PPP2R5E: variants seen among roughly 807,000 people sequenced by gnomAD.
The protein encoded by PPP2R5E is serine/threonine-protein phosphatase 2A 56 kDa regulatory subunit epsilon isoform.
A neutral mutation model predicts 65.3 loss-of-function variants in PPP2R5E; 4 were observed. The observed-to-expected ratio is 0.06, with a 90% CI of 0.03 to 0.14. The LOEUF is 0.14. PPP2R5E is among the 10% of genes least tolerant of loss of function. The pLI, the probability that PPP2R5E is intolerant of heterozygous loss-of-function variation, is 1.00. For missense variants in PPP2R5E, 274 were observed against 556.1 expected (o/e 0.49, Z 5.10); for synonymous variants, 183 against 187.4 (o/e 0.98, Z 0.19).
chr14:63,411,318 T>C (rs1003318751), intron 5 of PPP2R5E, among the ~76,000 whole-genome samples: 7 of 152,190 alleles, frequency 4.6e-5, no homozygotes, highest in African/African-American at 1.7e-4. Flanking sequence ...AGATTACTGA[T>C]TAATGATGAA....
rs1054447239 is a variant in PPP2R5E at position 63,396,496 on chromosome 14, G to C, written c.680+90C>G. 3 of 1,490,882 alleles carry C rather than the reference G, an allele frequency of 2.0e-6. No homozygotes were observed. In the African/African-American group the frequency reaches 4.2e-5, roughly 21 times the overall value. 92.4% of individuals were successfully genotyped at this position (1,490,882 alleles called of 1,614,324 possible). ...GGCAGAAAGGGAGAAAGAGAAGTCAGTACACCGTTTTCAGATATTTGAGAT... is the reference window on the plus strand; with the variant it reads ...GGCAGAAAGGGAGAAAGAGAAGTCACTACACCGTTTTCAGATATTTGAGAT... On this transcript the variant is annotated intron_variant, in intron 6 of 13. Coordinates refer to ENST00000337537, the MANE Select transcript of PPP2R5E (RefSeq NM_006246.5).
intron 2 of PPP2R5E, among the ~76,000 whole-genome samples, chr14:63,510,401 C>A (rs986566647): frequency 9.9e-5 from 15 of 152,238 alleles, no homozygotes; most frequent in African/African-American, 3.6e-4. Context: ...TCACTGCCCT[C>A]ATGGAGCATG....
chr14:63,482,279 G>T (rs1173478297), intron 2 of PPP2R5E, among the ~76,000 whole-genome samples: 1 of 152,148 alleles, frequency 6.6e-6, no homozygotes, highest in African/African-American at 2.4e-5. Context: ...GGCCAACATG[G>T]TGAAACCCCG....
rs906769340 is a variant in PPP2R5E, at chr14:63,420,807, C to T, written c.456+1186G>A. Among the ~76,000 whole-genome samples, 4 of 100,948 alleles carry T rather than the reference C, an allele frequency of 4.0e-5. 1 individual carries two copies. The highest frequency in any genetic ancestry group is 1.1e-4 in the African/African-American group (2 of 17,706). The allele number at this position is 100,948 out of a possible 152,430, so 66.2% of individuals were successfully genotyped here. A position where few individuals can be genotyped will look rare whatever the true frequency, so the allele number is the denominator to read the frequency against. ...GTGGCTCACGCCTGTAATCCCAGCACTTTGGGAGGCCGAGGCGGGCGGATC... is the reference window on the plus strand; with the variant it reads ...GTGGCTCACGCCTGTAATCCCAGCATTTTGGGAGGCCGAGGCGGGCGGATC... On this transcript the variant is annotated intron_variant, in intron 4 of 13. Coordinates refer to ENST00000337537, the MANE Select transcript of PPP2R5E (RefSeq NM_006246.5).
rs780522746 is a variant in PPP2R5E, at chr14:63,539,687, T to C, written c.-2A>G. 6.2e-7 allele frequency: 1 copy of C among 1,612,938 alleles called. No individual in the cohort carries two copies. The highest frequency in any genetic ancestry group is 2.2e-5 in the East Asian group (1 of 44,860). On this transcript the variant is annotated 5_prime_UTR_variant, in exon 2 of 14. Coordinates refer to ENST00000337537, the MANE Select transcript of PPP2R5E (RefSeq NM_006246.5). ...AGGAGTAGTTGGTGCTGAGGACATA[T>C]CCCTACTGAAGAGAAAGAAGTATCA...
At chr14:63,382,470 T>G (rs148532085) in intron 12 of PPP2R5E, among the ~76,000 whole-genome samples, 2 of 152,100 alleles carry the variant, frequency 1.3e-5, no homozygotes, top group Middle Eastern at 3.4e-3. Context: ...GGCACCATCT[T>G]GGCTCACCGC....
At chr14:63,433,027 GTTTTGTTTTT>G (rs1887761123) in intron 3 of PPP2R5E, among the ~76,000 whole-genome samples, 2 of 114,042 alleles carry the variant, frequency 1.8e-5, no homozygotes, top group Non-Finnish European at 3.7e-5. Context: ...TTTTTGTTTT[GTTTTGTTTTT>G]TTTTTTTTTT....
chr14:63,495,242 G>A (rs1180750458), intron 2 of PPP2R5E, among the ~76,000 whole-genome samples: 2 of 149,488 alleles, frequency 1.3e-5, no homozygotes, highest in African/African-American at 4.9e-5. Context: ...AATATATATA[G>A]TGAGAGAGAA....
intron 3 of PPP2R5E, among the ~76,000 whole-genome samples, chr14:63,448,807 A>AG (rs1429041864): frequency 6.7e-6 from 1 of 150,028 alleles, no homozygotes. Context: ...AAAAAAAAAA[A>AG]GCAACCCCCA....
At chr14:63,482,653 T>C (rs1318438170) in intron 2 of PPP2R5E, among the ~76,000 whole-genome samples, 2 of 152,216 alleles carry the variant, frequency 1.3e-5, no homozygotes, top group African/African-American at 4.8e-5. Flanking sequence ...CATCTGAAAC[T>C]AATAAATACA....
intron 5 of PPP2R5E, among the ~76,000 whole-genome samples, chr14:63,411,976 T>C (rs896339465): frequency 2.6e-5 from 4 of 152,294 alleles, no homozygotes; most frequent in African/African-American, 4.8e-5. Context: ...CTGTACCCAA[T>C]AGGTAGTGTT....
At chr14:63,520,729 T>G (rs954971698) in intron 2 of PPP2R5E, among the ~76,000 whole-genome samples, 1 of 151,938 alleles carries the variant, frequency 6.6e-6, no homozygotes. Flanking sequence ...GAAAAACACA[T>G]GCGTGGCCAG....
chr14:63,420,666 A>T (rs1338961241), intron 4 of PPP2R5E, among the ~76,000 whole-genome samples: 1 of 152,146 alleles, frequency 6.6e-6, no homozygotes, highest in Non-Finnish European at 1.5e-5. Context: ...CAGACTTGCA[A>T]ATTTGTGTCA....
chr14:63,426,412 CA>C (rs59731224), intron 3 of PPP2R5E, among the ~76,000 whole-genome samples: 23,334 of 140,558 alleles, frequency 0.17, 2,327 homozygotes, highest in African/African-American at 0.3. Context: ...ATGGGAGCAC[CA>C]AAAAAAAAAA....
intron 2 of PPP2R5E, among the ~76,000 whole-genome samples, chr14:63,533,572 T>G (rs938196130): frequency 1.7e-4 from 25 of 151,188 alleles, no homozygotes; most frequent in Admixed American, 1.1e-3. Flanking sequence ...GTCATCATAG[T>G]TGTAAGAATA....
At chr14:63,387,993 G>T (rs1884772832) in intron 11 of PPP2R5E, among the ~76,000 whole-genome samples, 1 of 152,186 alleles carries the variant, frequency 6.6e-6, no homozygotes, top group Non-Finnish European at 1.5e-5. Context: ...GGCCTCCAGG[G>T]CTGTGAGAAA....
chr14:63,397,481 C>T (rs1013455510), intron 5 of PPP2R5E, among the ~76,000 whole-genome samples: 11 of 125,694 alleles, frequency 8.8e-5, no homozygotes, highest in African/African-American at 3.3e-4. Flanking sequence ...CAGCCTGGGC[C>T]ATAGAGCAAG....
intron 2 of PPP2R5E, among the ~76,000 whole-genome samples, chr14:63,472,880 T>C (rs1890200382): frequency 6.6e-6 from 1 of 152,148 alleles, no homozygotes; most frequent in African/African-American, 2.4e-5. Flanking sequence ...AACACAGAAA[T>C]GTGGGACAGG....
In PPP2R5E at chr14:63,506,843, T is replaced by G. The variant is rs768472284; in HGVS notation, c.157+32686A>C. Among the ~76,000 whole-genome samples, 163 of 152,192 alleles carry G rather than the reference T, an allele frequency of 1.1e-3. 5 individuals are homozygous for G. The highest frequency in any genetic ancestry group is 2.2e-4 in the Non-Finnish European group (15 of 68,022). The stretch of plus-strand genomic sequence containing the variant: ...AAAGTATGTCCACTAAAATTGTACA[T>G]GAATGTTCATAACAGCATTATCCAT... On this transcript the variant is annotated intron_variant, in intron 2 of 13. Coordinates refer to ENST00000337537, the MANE Select transcript of PPP2R5E (RefSeq NM_006246.5).
Sources: gnomAD v4.1 joint callset for allele counts (sites outside exome capture counted in the v4.1 genomes callset) on GRCh38, gnomAD v4.1.1 for gene constraint, MANE v1.5 for transcripts, NCBI Gene and HGNC (gene_info 2026-07-23, HGNC 2026-07-21) for gene names.